ASTN2: variants seen among roughly 807,000 people sequenced by gnomAD.
The protein encoded by ASTN2 is astrotactin 2.
A neutral mutation model predicts 139.8 loss-of-function variants in ASTN2; 54 were observed. The observed-to-expected ratio is 0.39, with a 90% CI of 0.31 to 0.48. The LOEUF (loss-of-function observed/expected upper bound fraction) is 0.48. Among genes scored for constraint, ASTN2 ranks in the 20% least tolerant of loss-of-function variants. The pLI, the probability that ASTN2 is intolerant of heterozygous loss-of-function variation, is 0.95. For synonymous variants in ASTN2, 756 were observed against 719.5 expected (o/e 1.05, Z -0.81); for missense variants, 1,565 against 1,725.1 (o/e 0.91, Z 1.64).
At chr9:117,235,051 T>G (rs1348448398) in intron 2 of ASTN2, among the ~76,000 whole-genome samples, 1 of 152,078 alleles carries the variant, frequency 6.6e-6, no homozygotes, top group African/African-American at 2.4e-5. Flanking sequence ...CTGGCCAACA[T>G]GGTGAAACCC....
At chr9:116,942,794 T>C (rs2132471982) in intron 10 of ASTN2, among the ~76,000 whole-genome samples, 1 of 152,282 alleles carries the variant, frequency 6.6e-6, no homozygotes, top group South Asian at 2.1e-4. Flanking sequence ...TTCAGCCCAA[T>C]AAAAGCAAGG....
intron 13 of ASTN2, among the ~76,000 whole-genome samples, chr9:116,796,177 T>C (rs896092548): frequency 2.6e-5 from 4 of 152,174 alleles, no homozygotes; most frequent in African/African-American, 7.2e-5. Context: ...ATTGTTACTA[T>C]TATTCTTAAT....
rs199539285 is a variant in ASTN2, at chr9:116,725,892, G to A, written c.2685C>T (p.Ser895=). 27 of 1,613,924 alleles carry A rather than the reference G, an allele frequency of 1.7e-5. No homozygotes were observed. The highest frequency in any genetic ancestry group is 2.1e-5 in the Non-Finnish European group (25 of 1,180,022). The change falls in exon 16 of 23, where the codon TCC becomes TCT. Residue 895 remains serine, a synonymous_variant. Coordinates refer to ENST00000313400, the MANE Select transcript of ASTN2 (RefSeq NM_001365068.1). The part of the protein sequence containing the change: ...TKESSREELL[S]FIQHYGSHYI... ...AGTGGGAGCCATAGTGCTGGATGAA[G>A]GACAGCAGCTCCTCCCGACTGCTCT...
Position 117,003,953 on chromosome 9 carries a change from C to CGCGCGCGCGTGTGTGTGT in ASTN2, c.1591+4138_1591+4139insACACACACACGCGCGCGC, listed in dbSNP as rs1218309835. Among the ~76,000 whole-genome samples, 201 of 146,268 alleles carry CGCGCGCGCGTGTGTGTGT rather than the reference C, an allele frequency of 1.4e-3. 1 individual carries two copies. Among genetic ancestry groups the CGCGCGCGCGTGTGTGTGT allele is most frequent in the African/African-American group, 4.8e-3 (184 of 38,276 alleles). On this transcript the variant is annotated intron_variant, in intron 7 of 22. Coordinates refer to ENST00000313400, the MANE Select transcript of ASTN2 (RefSeq NM_001365068.1). ...TGTGTTTCTTTCACGCGCGCGCGCG[C>CGCGCGCGCGTGTGTGTGT]GTGTGTGTGTGTGTGTGTGTGTGTT...
chr9:116,539,158 G>A (rs1389738720), intron 19 of ASTN2, among the ~76,000 whole-genome samples: 2 of 152,116 alleles, frequency 1.3e-5, no homozygotes, highest in African/African-American at 4.8e-5. Flanking sequence ...AAAGACAGAA[G>A]GTAGGTTAGT....
chr9:116,535,268 A>G (rs962354580), intron 19 of ASTN2, among the ~76,000 whole-genome samples: 29 of 152,098 alleles, frequency 1.9e-4, no homozygotes, highest in African/African-American at 6.5e-4. Flanking sequence ...TGCACATGAG[A>G]TGGATATCCT....
intron 3 of ASTN2, among the ~76,000 whole-genome samples, chr9:117,153,032 G>A (rs1830358391): frequency 6.6e-6 from 1 of 151,998 alleles, no homozygotes; most frequent in Admixed American, 6.6e-5. Flanking sequence ...CCACATTGTT[G>A]CTGCCTCAGT....
chr9:116,660,692 T>C (rs2131956784), intron 16 of ASTN2, among the ~76,000 whole-genome samples: 1 of 152,250 alleles, frequency 6.6e-6, no homozygotes, highest in African/African-American at 2.4e-5. Flanking sequence ...GTCAAAAATT[T>C]CCCCTTAAAT....
chr9:117,011,389 C>T (rs1420319725), intron 6 of ASTN2, among the ~76,000 whole-genome samples: 1 of 152,186 alleles, frequency 6.6e-6, no homozygotes, highest in Non-Finnish European at 1.5e-5. Flanking sequence ...AGTTCCCTCA[C>T]TCCTTCCACC....
At chr9:117,016,893 G>A (rs1037095105) in intron 6 of ASTN2, among the ~76,000 whole-genome samples, 5 of 150,658 alleles carry the variant, frequency 3.3e-5, no homozygotes, top group Non-Finnish European at 2.9e-5. Context: ...CTGAAGTGCT[G>A]TGCCCAAATT....
intron 11 of ASTN2, among the ~76,000 whole-genome samples, chr9:116,837,958 G>A (rs531652568): frequency 2.0e-5 from 3 of 152,262 alleles, no homozygotes; most frequent in African/African-American, 7.2e-5. Flanking sequence ...TGGCTTGTCT[G>A]AGCCTCAGTT....
At chr9:116,759,768 C>T (rs1319515323) in intron 13 of ASTN2, among the ~76,000 whole-genome samples, 1 of 152,006 alleles carries the variant, frequency 6.6e-6, no homozygotes, top group Non-Finnish European at 1.5e-5. Flanking sequence ...CTGCTGCTGC[C>T]CCATCCCCAT....
At chr9:116,939,614 A>AT (rs906324539) in intron 10 of ASTN2, among the ~76,000 whole-genome samples, 15 of 151,146 alleles carry the variant, frequency 9.9e-5, no homozygotes, top group South Asian at 2.1e-4. Flanking sequence ...ATTCTTTTGT[A>AT]TTTTTTTTTC....
At chr9:116,772,804 G>T (rs966318059) in intron 13 of ASTN2, among the ~76,000 whole-genome samples, 2 of 152,142 alleles carry the variant, frequency 1.3e-5, no homozygotes, top group South Asian at 4.1e-4. Context: ...ATCAGGACCT[G>T]ATTCCAGTCA....
intron 19 of ASTN2, among the ~76,000 whole-genome samples, chr9:116,493,461 C>T (rs1255157049): frequency 6.6e-6 from 1 of 152,302 alleles, no homozygotes; most frequent in African/African-American, 2.4e-5. Flanking sequence ...CAGACCCCCA[C>T]ACATTTCTTT....
At chr9:117,199,497 C>T (rs1831629736) in intron 3 of ASTN2, among the ~76,000 whole-genome samples, 1 of 152,160 alleles carries the variant, frequency 6.6e-6, no homozygotes, top group Admixed American at 6.5e-5. Flanking sequence ...GTTTTGGTAT[C>T]AGTACCACGC....
intron 10 of ASTN2, among the ~76,000 whole-genome samples, chr9:116,886,949 G>A (rs1424750807): frequency 6.6e-6 from 1 of 152,066 alleles, no homozygotes; most frequent in Non-Finnish European, 1.5e-5. Context: ...TAGTAAGGAG[G>A]TCAGGGATGG....
chr9:116,796,259 C>G (rs1242973581), intron 13 of ASTN2, among the ~76,000 whole-genome samples: 2 of 152,200 alleles, frequency 1.3e-5, no homozygotes, highest in South Asian at 4.1e-4. Context: ...AGCTGGGACT[C>G]TGAGTCCAGA....
chr9:116,922,129 A>G (rs573191566), intron 10 of ASTN2, among the ~76,000 whole-genome samples: 22 of 152,044 alleles, frequency 1.4e-4, no homozygotes, highest in African/African-American at 5.3e-4. Context: ...TGAAGGTGGG[A>G]CTCCTCTTGG....
Sources: allele counts gnomAD v4.1 joint callset (sites outside exome capture counted in the v4.1 genomes callset), GRCh38; gene constraint gnomAD v4.1.1; transcripts MANE v1.5; gene names NCBI Gene and HGNC (gene_info 2026-07-23, HGNC 2026-07-21).